NUP98: variants seen among roughly 807,000 people sequenced by gnomAD.
The protein encoded by NUP98 is nucleoporin 98 and 96 precursor.
Under a neutral mutation model 191.9 loss-of-function variants are expected in NUP98, and 26 were observed. That is an observed-to-expected ratio of 0.14 (90% CI 0.10 to 0.19). The LOEUF (loss-of-function observed/expected upper bound fraction) is 0.19. Ranked by LOEUF, NUP98 falls within the 10% of genes least tolerant of loss-of-function variation. The pLI, the probability that NUP98 is intolerant of heterozygous loss-of-function variation, is 1.00. For synonymous variants in NUP98, 808 were observed against 778.4 expected (o/e 1.04, Z -0.63); for missense variants, 1,941 against 2,178.8 (o/e 0.89, Z 2.17).
chr11:3,771,580 ACTGT>A (rs2081533706), intron 7 of NUP98, among the ~76,000 whole-genome samples, 164 bp downstream of exon 7: 5 of 152,204 alleles, frequency 3.3e-5, no homozygotes, highest in Admixed American at 3.3e-4. Context: ...TTCATCTTAA[ACTGT>A]CTTTCTCCCT....
At chr11:3,795,856 C>T (rs753756720) in intron 1 of NUP98, among the ~76,000 whole-genome samples, 10 of 152,322 alleles carry the variant, frequency 6.6e-5, no homozygotes, top group South Asian at 2.1e-4. Context: ...CTACGGTTCT[C>T]TTCTGCACTA....
At chr11:3,714,071 A>G (rs553501525) in intron 18 of NUP98, 76 bp from the exon 19 acceptor site, 1 of 1,347,188 alleles carries the variant, frequency 7.4e-7, no homozygotes, top group African/African-American at 1.5e-5. Context: ...GCCACCTAAC[A>G]CATAAATAGT....
At chr11:3,767,243 G>C (rs546863322) in intron 8 of NUP98, among the ~76,000 whole-genome samples, 1 of 148,518 alleles carries the variant, frequency 6.7e-6, no homozygotes, top group South Asian at 2.2e-4. Flanking sequence ...TTACAGGCAG[G>C]AGCCAGCATG....
intron 9 of NUP98, among the ~76,000 whole-genome samples, chr11:3,761,841 G>A (rs931104034): frequency 2.6e-5 from 4 of 152,084 alleles, no homozygotes; most frequent in Non-Finnish European, 4.4e-5. Context: ...CTACTTGGGA[G>A]GCTGAGGCAC....
intron 1 of NUP98, among the ~76,000 whole-genome samples, chr11:3,782,435 T>C (rs2081999801): frequency 6.6e-6 from 1 of 151,942 alleles, no homozygotes; most frequent in Non-Finnish European, 1.5e-5. Context: ...TTTTTTAACC[T>C]AAGTCCCCTT....
intron 18 of NUP98, 60 bp from the exon 19 acceptor site, chr11:3,714,055 C>T: frequency 1.3e-6 from 2 of 1,483,498 alleles, no homozygotes; most frequent in Non-Finnish European, 1.9e-6. Flanking sequence ...TATATAAGAC[C>T]AGAAAGCCAC....
chr11:3,718,665 T>C (rs928913911), intron 18 of NUP98, among the ~76,000 whole-genome samples: 3 of 152,152 alleles, frequency 2.0e-5, no homozygotes, highest in Non-Finnish European at 2.9e-5. Context: ...GGTTGGTAGG[T>C]TATGAAGATA....
intron 1 of NUP98, among the ~76,000 whole-genome samples, chr11:3,786,638 T>C (rs2082149496): frequency 6.6e-6 from 1 of 152,222 alleles, no homozygotes; most frequent in Non-Finnish European, 1.5e-5. Context: ...GTCCAATCAA[T>C]GGACAGACAT....
intron 31 of NUP98, among the ~76,000 whole-genome samples, chr11:3,678,408 AG>A (rs1033259686): frequency 1.3e-5 from 2 of 152,236 alleles, no homozygotes; most frequent in African/African-American, 4.8e-5. Flanking sequence ...TAACCGTAAA[AG>A]ACCTTCCCAA....
intron 2 of NUP98, among the ~76,000 whole-genome samples, chr11:3,780,483 C>T (rs2081925652): frequency 7.2e-6 from 1 of 138,280 alleles, no homozygotes; most frequent in Admixed American, 7.8e-5. Context: ...CGGAAGTCGC[C>T]GTGAGCTGAG....
In NUP98 at chr11:3,705,221, A is replaced by C; in HGVS notation, c.3061T>G (p.Ser1021Ala). The C allele has an allele frequency of 1.2e-6, 2 of 1,614,158 alleles. No homozygotes were observed. The highest frequency in any genetic ancestry group is 1.7e-6 in the Non-Finnish European group (2 of 1,180,014). Residue 1021 changes from serine to alanine, a missense_variant, in exon 22 of 33, where the codon TCG becomes GCG. Transcript: ENST00000324932. ...SPRLPISASH[S>A]SKTRSLVGGL... ...GTACCTAGTGAACGAGTTTTCGACGAGTGGGATGCTGAAATGGGGAGTCTG... is the reference window on the plus strand; with the variant it reads ...GTACCTAGTGAACGAGTTTTCGACGCGTGGGATGCTGAAATGGGGAGTCTG...
chr11:3,728,315 C>T (rs2079701095), intron 14 of NUP98, among the ~76,000 whole-genome samples: 1 of 152,128 alleles, frequency 6.6e-6, no homozygotes, highest in South Asian at 2.1e-4. Flanking sequence ...TTGGTCCTTA[C>T]TCTGAGTAAA....
At chr11:3,780,541 C>CAAAAAAAAAAAAAAAAAAA (rs142060672) in intron 2 of NUP98, among the ~76,000 whole-genome samples, 7 of 74,796 alleles carry the variant, frequency 9.4e-5, no homozygotes, top group Admixed American at 1.9e-4. Context: ...GACTCCATCT[C>CAAAAAAAAAAAAAAAAAAA]AAAAAAAAAA....
At chr11:3,744,120 A>AT (rs2080398400) in intron 12 of NUP98, among the ~76,000 whole-genome samples, 1 of 152,358 alleles carries the variant, frequency 6.6e-6, no homozygotes, top group Non-Finnish European at 1.5e-5. Flanking sequence ...AATACAGTAA[A>AT]TTTAGTAAAC....
At position 3,756,039 on chromosome 11, in the gene NUP98, T is replaced by C. The variant is rs77943352; in HGVS notation, c.1175-2631A>G. ...GCAATATATTTGACTTAGACATTCA[T>C]TGAATCTCTTCTTTAATTCTTCTAA... is the stretch of plus-strand genomic sequence containing the variant. On this transcript the variant is annotated intron_variant, in intron 10 of 32. Coordinates refer to ENST00000324932, the MANE Select transcript of NUP98 (RefSeq NM_016320.5). Among the ~76,000 whole-genome samples the C allele has an allele frequency of 0.012, 1,776 of 152,314 alleles. 46 individuals carry two copies. The South Asian group carries it at 0.12, about 10-fold the overall frequency.
intron 30 of NUP98, among the ~76,000 whole-genome samples, chr11:3,681,288 G>A (rs765182355): frequency 5.3e-5 from 8 of 152,020 alleles, no homozygotes; most frequent in Non-Finnish European, 8.8e-5. Flanking sequence ...GCAATCTGCC[G>A]CTTTGGCCTC....
chr11:3,750,492 T>C (rs922525633), intron 11 of NUP98, among the ~76,000 whole-genome samples: 1 of 152,210 alleles, frequency 6.6e-6, no homozygotes, highest in Non-Finnish European at 1.5e-5. Context: ...CAGAACACTA[T>C]GTAAGACAGT....
At chr11:3,717,872 G>C (rs894671839) in intron 18 of NUP98, among the ~76,000 whole-genome samples, 1 of 152,140 alleles carries the variant, frequency 6.6e-6, no homozygotes, top group Non-Finnish European at 1.5e-5. Flanking sequence ...TCTTGTTAAA[G>C]TGGTATGTTT....
intron 12 of NUP98, among the ~76,000 whole-genome samples, chr11:3,743,109 A>G (rs879914513): frequency 2.0e-5 from 3 of 151,516 alleles, no homozygotes; most frequent in African/African-American, 7.3e-5. Context: ...ACCTCCACCT[A>G]CCGGGTCCAA....
Sources: gnomAD v4.1 joint callset for allele counts (sites outside exome capture counted in the v4.1 genomes callset) on GRCh38, gnomAD v4.1.1 for gene constraint, MANE v1.5 for transcripts, NCBI Gene and HGNC (gene_info 2026-07-23, HGNC 2026-07-21) for gene names.